Variants in PLEKHM3 observed in about 807,000 individuals in gnomAD.
PLEKHM3 encodes pleckstrin homology domain-containing family M member 3.
A neutral mutation model predicts 81.8 loss-of-function variants in PLEKHM3; 45 were observed. The observed-to-expected ratio is 0.55, with a 90% CI of 0.43 to 0.71. PLEKHM3 has a LOEUF of 0.71. PLEKHM3 is among the 30% of genes least tolerant of loss of function. The pLI is 0.00. For synonymous variants in PLEKHM3, 352 were observed against 356.4 expected, an observed-to-expected ratio of 0.99 and a Z score of 0.14; for missense variants, 788 against 924.3, an observed-to-expected ratio of 0.85 and a Z score of 1.91.
At chr2:207,990,821 A>G (rs1691876608) in intron 2 of PLEKHM3, among the ~76,000 whole-genome samples, 1 of 152,174 alleles carries the variant, frequency 6.6e-6, no homozygotes, top group African/African-American at 2.4e-5. Flanking sequence ...TACTTTGGAG[A>G]CTTTCTTTTT....
rs373724550 is a variant in PLEKHM3 at position 207,946,544 on chromosome 2, G to A, written c.1547-32C>T. 2.8e-5 allele frequency: 45 copies of A among 1,608,136 alleles called. No homozygotes were observed. In the African/African-American group the frequency reaches 5.4e-4, roughly 19 times the overall value. On this transcript the variant is annotated intron_variant, in intron 3 of 7. Coordinates refer to ENST00000427836, the MANE Select transcript of PLEKHM3 (RefSeq NM_001080475.3). Reference sequence around the variant, plus strand: ...AAGGAAAAAGGAAGAGTCTATGATTGCTGTTGTACTTTTAACACTACAGAA... The same window carrying A: ...AAGGAAAAAGGAAGAGTCTATGATTACTGTTGTACTTTTAACACTACAGAA...
At chr2:207,934,143 T>A (rs1249520410) in intron 4 of PLEKHM3, among the ~76,000 whole-genome samples, 1 of 152,174 alleles carries the variant, frequency 6.6e-6, no homozygotes, top group Non-Finnish European at 1.5e-5. Flanking sequence ...TATTCTTAGG[T>A]GATAAAGTTT....
intron 3 of PLEKHM3, among the ~76,000 whole-genome samples, chr2:207,965,930 T>G (rs1690895142): frequency 6.6e-6 from 1 of 152,260 alleles, no homozygotes; most frequent in Non-Finnish European, 1.5e-5. Context: ...TAATCTCATT[T>G]TCTCTAACCC....
intron 6 of PLEKHM3, chr2:207,901,027 C>T: frequency 1.8e-6 from 1 of 541,234 alleles, no homozygotes; most frequent in South Asian, 2.5e-5. Flanking sequence ...GACTAAACAC[C>T]ATCCAACTCC....
chr2:207,828,837 A>T (rs189285304), intron 7 of PLEKHM3, among the ~76,000 whole-genome samples: 22 of 152,296 alleles, frequency 1.4e-4, no homozygotes, highest in Admixed American at 9.8e-4. Flanking sequence ...GAGTGAAATG[A>T]CAGAAAATGA....
chr2:208,020,700 A>G (rs1693099079), intron 1 of PLEKHM3, among the ~76,000 whole-genome samples: 1 of 152,206 alleles, frequency 6.6e-6, no homozygotes, highest in Non-Finnish European at 1.5e-5. Flanking sequence ...TGAAAGGAGA[A>G]CGCAAGAAGA....
At chr2:207,888,594 C>A (rs1687955796) in intron 6 of PLEKHM3, among the ~76,000 whole-genome samples, 1 of 152,114 alleles carries the variant, frequency 6.6e-6, no homozygotes, top group African/African-American at 2.4e-5. Context: ...CGGGGTTTCA[C>A]CATGTTGGTC....
In PLEKHM3 at chr2:207,822,355, C is replaced by G. The variant is rs561224649; in HGVS notation, c.*5964G>C. On this transcript the variant is annotated 3_prime_UTR_variant, in exon 8 of 8. Coordinates refer to ENST00000427836, the MANE Select transcript of PLEKHM3 (RefSeq NM_001080475.3). ...ATCCTTGTGTTTGTGTAATTTTGAA[C>G]CTGAAAAGGCTAAGTTCACTGACTT... is the stretch of plus-strand genomic sequence containing the variant. The G allele has an allele frequency of 6.5e-6, 1 of 152,700 alleles. No individual in the cohort carries two copies. Among genetic ancestry groups the G allele is most frequent in the South Asian group, 2.1e-4 (1 of 4,826 alleles). 9.5% of individuals were successfully genotyped at this position (152,700 alleles called of 1,614,324 possible).
chr2:207,968,398 C>A (rs1690998619), intron 3 of PLEKHM3, among the ~76,000 whole-genome samples: 1 of 151,982 alleles, frequency 6.6e-6, no homozygotes, highest in Non-Finnish European at 1.5e-5. Context: ...GGGTGGGGGG[C>A]CACTTTAGCT....
chr2:207,979,388 G>T (rs1421343149), intron 2 of PLEKHM3, among the ~76,000 whole-genome samples: 2 of 152,090 alleles, frequency 1.3e-5, no homozygotes, highest in Admixed American at 1.3e-4. Flanking sequence ...ACAAAAATTA[G>T]CTGGGTGTGG....
At chr2:207,872,148 G>A (rs1467722635) in intron 6 of PLEKHM3, among the ~76,000 whole-genome samples, 1 of 152,154 alleles carries the variant, frequency 6.6e-6, no homozygotes, top group Admixed American at 6.5e-5. Flanking sequence ...TCCAAGGAAG[G>A]GGCCTTTCTG....
chr2:207,955,261 C>A (rs966686084), intron 3 of PLEKHM3, among the ~76,000 whole-genome samples: 1 of 152,062 alleles, frequency 6.6e-6, no homozygotes, highest in Admixed American at 6.5e-5. Context: ...TAAAATCTTA[C>A]AAATTCAGCT....
At chr2:207,868,629 T>A (rs2092515764) in intron 6 of PLEKHM3, 1 of 152,222 alleles carries the variant, frequency 6.6e-6, no homozygotes. Flanking sequence ...GCATCGAATA[T>A]AGTTTCTGAC....
Position 207,865,797 on chromosome 2 carries a change from AAAAAAGATATATAT to A in PLEKHM3, c.1951-4549_1951-4536del, listed in dbSNP as rs1451809222. Among the ~76,000 whole-genome samples the A allele has an allele frequency of 1.9e-3, 73 of 38,104 alleles. 4 individuals carry two copies. Among genetic ancestry groups the A allele is most frequent in the African/African-American group, 9.5e-3 (71 of 7,436 alleles). The allele number at this position is 38,104 out of a possible 152,430, so 25.0% of individuals were successfully genotyped here. On this transcript the variant is annotated intron_variant, in intron 6 of 7. Coordinates refer to ENST00000427836, the MANE Select transcript of PLEKHM3 (RefSeq NM_001080475.3). ...ACTCCGACTCAAAAAAAAAAAAAAA[AAAAAAGATATATAT>A]ATATATATATATATATATATATATA...
At chr2:207,875,720 C>T (rs1243994136) in intron 6 of PLEKHM3, among the ~76,000 whole-genome samples, 1 of 152,074 alleles carries the variant, frequency 6.6e-6, no homozygotes, top group Admixed American at 6.5e-5. Flanking sequence ...ACCTTGTAGT[C>T]TCAGCTACTT....
At chr2:207,842,889 T>C (rs1368509765) in intron 7 of PLEKHM3, among the ~76,000 whole-genome samples, 3 of 152,178 alleles carry the variant, frequency 2.0e-5, no homozygotes, top group African/African-American at 7.2e-5. Flanking sequence ...AACAGTCACA[T>C]TGGGAGCCAA....
At chr2:207,961,904 A>G (rs1690747500) in intron 3 of PLEKHM3, among the ~76,000 whole-genome samples, 1 of 152,186 alleles carries the variant, frequency 6.6e-6, no homozygotes. Flanking sequence ...GAAATTACAC[A>G]CATCATTCAT....
chr2:208,014,473 G>A (rs778818493), intron 1 of PLEKHM3, among the ~76,000 whole-genome samples: 7 of 152,068 alleles, frequency 4.6e-5, no homozygotes, highest in African/African-American at 1.4e-4. Flanking sequence ...GTGAAACCCC[G>A]TCTCTACTAA....
At position 207,941,400 on chromosome 2, in the gene PLEKHM3, G is replaced by A. The variant is rs187331135; in HGVS notation, c.1692+4967C>T. 3.3e-5 allele frequency among the ~76,000 whole-genome samples: 5 copies of A among 152,286 alleles called. No homozygotes were observed. In the East Asian group the frequency reaches 9.6e-4, roughly 29 times the overall value. On this transcript the variant is annotated intron_variant, in intron 4 of 7. Coordinates refer to ENST00000427836, the MANE Select transcript of PLEKHM3 (RefSeq NM_001080475.3). ...GAAAGGACAGTCTCTTCAGTAAATG[G>A]TGCTGGGAAAACTGGATATTCATAT...
Sources: allele counts gnomAD v4.1 joint callset (sites outside exome capture counted in the v4.1 genomes callset), GRCh38; gene constraint gnomAD v4.1.1; transcripts MANE v1.5; gene names NCBI Gene and HGNC (gene_info 2026-07-23, HGNC 2026-07-21).